Variants in RBM15 observed in about 807,000 individuals in gnomAD.
RBM15 encodes the protein RNA binding motif protein 15.
A neutral mutation model predicts 62.6 loss-of-function variants in RBM15; 8 were observed. The ratio of observed to expected loss-of-function variants is 0.13; its 90% CI spans 0.07 to 0.23. The LOEUF is 0.23. Ranked by LOEUF, RBM15 falls within the 10% of genes least tolerant of loss-of-function variation. RBM15 has a pLI of 1.00. For synonymous variants in RBM15, 606 were observed against 505.7 expected (o/e 1.20, Z -2.66); for missense variants, 1,144 against 1,286.5 (o/e 0.89, Z 1.69).
intron 1 of RBM15, among the ~76,000 whole-genome samples, chr1:110,344,638 A>G (rs1327264920): frequency 6.6e-6 from 1 of 152,200 alleles, no homozygotes; most frequent in South Asian, 2.1e-4. Flanking sequence ...CATGAACCTC[A>G]TATTTGTACT....
Position 110,346,442 on chromosome 1 carries a change from T to A in RBM15, c.*175T>A. On this transcript the variant is annotated 3_prime_UTR_variant, in exon 3 of 3. Transcript: ENST00000369784. Reference sequence around the variant, plus strand: ...AGCTAATCTGTTTAGTATTTGTGCATTTTACTAAAATGGCAGCTTAAAGTT... The same window carrying A: ...AGCTAATCTGTTTAGTATTTGTGCAATTTACTAAAATGGCAGCTTAAAGTT... 7.7e-7 allele frequency: 1 copy of A among 1,297,336 alleles called. No individual in the cohort carries two copies. Among genetic ancestry groups the A allele is most frequent in the Non-Finnish European group, 1.1e-6 (1 of 918,694 alleles). 80.4% of individuals were successfully genotyped at this position (1,297,336 alleles called of 1,614,324 possible). A position where few individuals can be genotyped will look rare whatever the true frequency, so the allele number is the denominator to read the frequency against.
chr1:110,339,813 C>T lies in RBM15; in HGVS notation c.408C>T (p.Gly136=). The change falls in exon 1 of 3, where the codon GGC becomes GGT. Residue 136 remains glycine (G), a synonymous_variant. Transcript: ENST00000369784. ...YSSPSTKNSS[G]GGESRSSSRG... ...CCCCGAGCACCAAAAATTCTTCGGGCGGGGGCGAATCGCGCAGCAGCTCCC... is the reference window on the plus strand; with the variant it reads ...CCCCGAGCACCAAAAATTCTTCGGGTGGGGGCGAATCGCGCAGCAGCTCCC... 6.3e-7 allele frequency: 1 copy of T among 1,599,354 alleles called. No individual in the cohort carries two copies. The highest frequency in any genetic ancestry group is 8.6e-7 in the Non-Finnish European group (1 of 1,169,012).
Position 110,341,064 on chromosome 1 carries a change from T to C in RBM15, c.1659T>C (p.Phe553=). The change falls in exon 1 of 3, where the codon TTT becomes TTC. Residue 553 remains phenylalanine (F), a synonymous_variant. Coordinates refer to ENST00000369784, the MANE Select transcript of RBM15 (RefSeq NM_022768.5). This position sits in a 1 kb window ranked among gnomAD's most constrained non-coding sequence, Gnocchi z 4.5. ...ATTATGAGCTGGTGACAGATGCTTT[T>C]GGACATCGGGCACCAGACCCTTTGA... ...LTHYELVTDA[F]GHRAPDPLRG... is the part of the protein sequence containing the mutation. 6.2e-7 allele frequency: 1 copy of C among 1,614,188 alleles called. No individual in the cohort carries two copies. The highest frequency in any genetic ancestry group is 8.5e-7 in the Non-Finnish European group (1 of 1,180,038).
intron 1 of RBM15, 172 bp downstream of exon 1, chr1:110,342,440 A>C: frequency 2.0e-6 from 1 of 507,616 alleles, no homozygotes; most frequent in Non-Finnish European, 3.3e-6. Context: ...AGGACAGTTT[A>C]GCTATTTTTT....
rs1005557876 is a variant in RBM15 at position 110,346,670 on chromosome 1, G to A, written c.*403G>A. ...TTATTCTAAATAAATTGTTTCTTTT[G>A]AGGAAAATGTTTTTCTGCCTGGAAG... On this transcript the variant is annotated 3_prime_UTR_variant, in exon 3 of 3. Coordinates refer to ENST00000369784, the MANE Select transcript of RBM15 (RefSeq NM_022768.5). The A allele has an allele frequency of 2.9e-6, 1 of 348,544 alleles. No individual in the cohort carries two copies. The highest frequency in any genetic ancestry group is 5.2e-6 in the Non-Finnish European group (1 of 192,158). The allele number at this position is 348,544 out of a possible 1,614,324, so 21.6% of individuals were successfully genotyped here.
rs1660723147 is a variant in RBM15 at position 110,339,556 on chromosome 1, T to C, written c.151T>C (p.Ser51Pro). ...RPATMKGKER[S>P]PVKAKRSRGG... ...CGCAACAATGAAGGGAAAAGAGCGC[T>C]CGCCAGTGAAGGCCAAACGCTCCCG... is the stretch of plus-strand genomic sequence containing the variant. The change falls in exon 1 of 3, where the codon TCG becomes CCG. Residue 51 changes from serine to proline, a missense_variant. Transcript: ENST00000369784. The C allele has an allele frequency of 6.2e-7, 1 of 1,604,578 alleles. No individual in the cohort carries two copies. The highest frequency in any genetic ancestry group is 8.5e-7 in the Non-Finnish European group (1 of 1,173,136).
In RBM15 at chr1:110,340,811, C is replaced by T; in HGVS notation, c.1406C>T (p.Ala469Val). 3 of 1,614,186 alleles carry T rather than the reference C, an allele frequency of 1.9e-6. No homozygotes were observed. The highest frequency in any genetic ancestry group is 2.5e-6 in the Non-Finnish European group (3 of 1,180,034). ...GGCCTGGGACCTTGGGTTCCTCTTG[C>T]TGCCCTGGCACGAGAATTTGATCGA... Reference protein sequence around the residue: ...VGGLGPWVPLAALAREFDRFG... With the variant: ...VGGLGPWVPLVALAREFDRFG... Residue 469 changes from alanine to valine, a missense_variant, in exon 1 of 3, where the codon GCT (alanine) becomes GTT (valine). By Grantham distance (64) the Ala-to-Val change is moderately conservative. Transcript: ENST00000369784. The surrounding 1 kb of genome is among the most constrained non-coding windows in gnomAD (Gnocchi z 5.8).
At position 110,340,209 on chromosome 1, in the gene RBM15, A is replaced by G. The variant is rs754640306; in HGVS notation, c.804A>G (p.Pro268=). The stretch of plus-strand genomic sequence containing the variant: ...CTTTAGACAAAGATACTTATCCTCC[A>G]TCAGCCAGTGTGGTCGGGGCCTCTG... ...RSPLDKDTYP[P]SASVVGASVG... is the part of the protein sequence containing the mutation. Residue 268 remains proline (P), a synonymous_variant, in exon 1 of 3, where the codon CCA becomes CCG. Coordinates refer to ENST00000369784, the MANE Select transcript of RBM15 (RefSeq NM_022768.5). The surrounding 1 kb of genome is among the most constrained non-coding windows in gnomAD (Gnocchi z 5.8). 5.0e-6 allele frequency: 8 copies of G among 1,614,118 alleles called. No individual in the cohort carries two copies. The highest frequency in any genetic ancestry group is 4.5e-5 in the East Asian group (2 of 44,884).
At position 110,339,513 on chromosome 1, in the gene RBM15, A is replaced by AGACGACCTCC. The variant is rs766669971; in HGVS notation, c.116_125dup (p.Ala43ProfsTer23). ...GGCGGCGGGTTACTCAGCTCCGCGG[A>AGACGACCTCC]GACGACCTCCGACGACCCGCAACAA... is the stretch of plus-strand genomic sequence containing the variant. On this transcript the variant is annotated frameshift_variant, in exon 1 of 3. Coordinates refer to ENST00000369784, the MANE Select transcript of RBM15 (RefSeq NM_022768.5). LOFTEE classifies it high-confidence loss of function. 1.5e-5 allele frequency: 24 copies of AGACGACCTCC among 1,598,806 alleles called. No homozygotes were observed. Among genetic ancestry groups the AGACGACCTCC allele is most frequent in the Non-Finnish European group, 2.1e-5 (24 of 1,169,812 alleles).
intron 1 of RBM15, among the ~76,000 whole-genome samples, chr1:110,344,962 G>A (rs923207117): frequency 7.9e-5 from 12 of 152,098 alleles, no homozygotes; most frequent in Non-Finnish European, 1.3e-4. Context: ...AAATTTTATG[G>A]AAAATTAAGC....
chr1:110,340,178 G>T lies in RBM15; in HGVS notation c.773G>T (p.Arg258Leu). ...GTGTATGTGAGCCGGCGCCGCAGCC[G>T]CTCCCCTTTAGACAAAGATACTTAT... Reference protein sequence around the residue: ...EAVYVSRRRSRSPLDKDTYPP... With the variant: ...EAVYVSRRRSLSPLDKDTYPP... Residue 258 changes from arginine (R) to leucine (L), a missense_variant, in exon 1 of 3, where the codon CGC becomes CTC. Arg to Leu is a moderately radical substitution (Grantham distance 102, BLOSUM62 -2). Around this residue, in one of 8 missense-constraint regions of RBM15, gnomAD observed 188 missense variants for 185.6 expected, o/e 1.01. Transcript: ENST00000369784. The surrounding 1 kb of genome is among the most constrained non-coding windows in gnomAD (Gnocchi z 5.8). 1.2e-6 allele frequency: 2 copies of T among 1,614,040 alleles called. No individual in the cohort carries two copies. The highest frequency in any genetic ancestry group is 1.1e-5 in the South Asian group (1 of 91,084).
At position 110,340,218 on chromosome 1, in the gene RBM15, T is replaced by C. The variant is rs1444228100; in HGVS notation, c.813T>C (p.Ser271=). Residue 271 remains serine, a synonymous_variant, in exon 1 of 3, where the codon AGT becomes AGC. Coordinates refer to ENST00000369784, the MANE Select transcript of RBM15 (RefSeq NM_022768.5). The surrounding 1 kb of genome is among the most constrained non-coding windows in gnomAD (Gnocchi z 5.8). The part of the protein sequence containing the change: ...LDKDTYPPSA[S]VVGASVGGHR... ...AAGATACTTATCCTCCATCAGCCAG[T>C]GTGGTCGGGGCCTCTGTAGGTGGTC... 1.9e-6 allele frequency: 3 copies of C among 1,614,036 alleles called. No homozygotes were observed. The highest frequency in any genetic ancestry group is 4.5e-5 in the East Asian group (2 of 44,900).
chr1:110,345,579 G>A lies in RBM15; in HGVS notation c.2904G>A (p.Lys968=), dbSNP rs1309619831. 3 of 1,612,048 alleles carry A rather than the reference G, an allele frequency of 1.9e-6. No individual in the cohort carries two copies. The highest frequency in any genetic ancestry group is 1.7e-6 in the Non-Finnish European group (2 of 1,179,042). The change falls in exon 2 of 3, where the codon AAG becomes AAA. Residue 968 remains lysine, a synonymous_variant. Transcript: ENST00000369784. ...TAGGAGTTAGGTATGAGAACAAGAA[G>A]AGAGAAAACTTGGCGCTGACCCTGT... ...FQIGVRYENK[K]RENLALTLL is the part of the protein sequence containing the mutation.
At position 110,342,013 on chromosome 1, in the gene RBM15, C is replaced by G. The variant is rs201356376; in HGVS notation, c.2608C>G (p.Arg870Gly). The G allele has an allele frequency of 6.2e-7, 1 of 1,614,206 alleles. No homozygotes were observed. Among genetic ancestry groups the G allele is most frequent in the Non-Finnish European group, 8.5e-7 (1 of 1,180,042 alleles). ...LLAVPGSSDS[R>G]SSSSSAASDT... The stretch of plus-strand genomic sequence containing the variant: ...GGCTGTGCCTGGAAGTTCTGACAGC[C>G]GGTCCTCCTCTTCCTCAGCTGCATC... Residue 870 changes from arginine to glycine, a missense_variant, in exon 1 of 3, where the codon CGG becomes GGG. Coordinates refer to ENST00000369784, the MANE Select transcript of RBM15 (RefSeq NM_022768.5).
At position 110,346,327 on chromosome 1, in the gene RBM15, G is replaced by C; in HGVS notation, c.*60G>C. 6.3e-7 allele frequency: 1 copy of C among 1,598,374 alleles called. No homozygotes were observed. The highest frequency in any genetic ancestry group is 8.5e-7 in the Non-Finnish European group (1 of 1,179,792). On this transcript the variant is annotated 3_prime_UTR_variant, in exon 3 of 3. Coordinates refer to ENST00000369784, the MANE Select transcript of RBM15 (RefSeq NM_022768.5). Reference sequence around the variant, plus strand: ...CGCAAGCAAAACTGGTTGAACAGCGGATGAAGATATGGAATTCAAAGCTCT... The same window carrying C: ...CGCAAGCAAAACTGGTTGAACAGCGCATGAAGATATGGAATTCAAAGCTCT...
chr1:110,341,790 G>A lies in RBM15; in HGVS notation c.2385G>A (p.Lys795=), dbSNP rs753651198. The change falls in exon 1 of 3, where the codon AAG becomes AAA. Residue 795 remains lysine (K), a synonymous_variant. Transcript: ENST00000369784. The surrounding 1 kb of genome is among the most constrained non-coding windows in gnomAD (Gnocchi z 4.5). ...CCTGGCAGGGCATGCTTCTACTGAAGAACAGCAACTTTCCTTCCAACATGC... is the reference window on the plus strand; with the variant it reads ...CCTGGCAGGGCATGCTTCTACTGAAAAACAGCAACTTTCCTTCCAACATGC... The part of the protein sequence containing the change: ...CLAWQGMLLL[K]NSNFPSNMHL... The A allele has an allele frequency of 6.2e-7, 1 of 1,614,186 alleles. No individual in the cohort carries two copies.
At position 110,340,914 on chromosome 1, in the gene RBM15, G is replaced by A. The variant is rs143285609; in HGVS notation, c.1509G>A (p.Ala503=). 28 of 1,614,090 alleles carry A rather than the reference G, an allele frequency of 1.7e-5. No individual in the cohort carries two copies. The East Asian group carries it at 4.0e-4, about 23-fold the overall frequency. The change falls in exon 1 of 3, where the codon GCG becomes GCA. Residue 503 remains alanine, a synonymous_variant. Transcript: ENST00000369784. The surrounding 1 kb of genome is among the most constrained non-coding windows in gnomAD (Gnocchi z 5.8). ...AYIQYESLDA[A]HAAWTHMRGF... ...TCCAGTATGAAAGCCTGGATGCAGC[G>A]CATGCTGCCTGGACCCATATGCGGG... is the stretch of plus-strand genomic sequence containing the variant.
At chr1:110,342,530 G>A (rs1660820303) in intron 1 of RBM15, 3 of 393,148 alleles carry the variant, frequency 7.6e-6, no homozygotes, top group East Asian at 3.6e-5. Flanking sequence ...TTAATTAGGA[G>A]TTCCCACCCT....
chr1:110,339,653 G>T lies in RBM15; in HGVS notation c.248G>T (p.Ser83Ile). 1 of 1,613,444 alleles carries T rather than the reference G, an allele frequency of 6.2e-7. No individual in the cohort carries two copies. The highest frequency in any genetic ancestry group is 1.3e-5 in the African/African-American group (1 of 75,064). Residue 83 changes from serine (S) to isoleucine (I), a missense_variant, in exon 1 of 3, where the codon AGC becomes ATC. Transcript: ENST00000369784. ...KLGGSGGSNG[S>I]SSGKTDSGGG... ...GGGGGCTCTGGTGGCAGCAATGGGA[G>T]CAGCAGCGGAAAGACCGATAGCGGC... is the stretch of plus-strand genomic sequence containing the variant.
Sources: allele counts gnomAD v4.1 joint callset (sites outside exome capture counted in the v4.1 genomes callset), GRCh38; gene constraint gnomAD v4.1.1; regional missense constraint gnomAD v4.1.1; non-coding constraint Gnocchi (gnomAD v3.1); transcripts MANE v1.5; gene names NCBI Gene and HGNC (gene_info 2026-07-23, HGNC 2026-07-21).